The following G3BP2 variants were observed in gnomAD, a reference collection of about 807,000 sequenced individuals.
G3BP2 encodes the protein ras GTPase-activating protein-binding protein 2.
In G3BP2, 11 loss-of-function variants were observed where a neutral mutation model predicts 56.7. The observed-to-expected ratio is 0.19, with a 90% CI of 0.12 to 0.32. The LOEUF (loss-of-function observed/expected upper bound fraction) is 0.32, where lower values mean the gene tolerates loss of function less well. Among genes scored for constraint, G3BP2 ranks in the 10% least tolerant of loss-of-function variants. The pLI, the probability that G3BP2 is intolerant of heterozygous loss-of-function variation, is 1.00. For missense variants in G3BP2, 340 were observed against 610.9 expected (o/e 0.56, Z 4.67); for synonymous variants, 165 against 191.6 (o/e 0.86, Z 1.15).
intron 8 of G3BP2, among the ~76,000 whole-genome samples, chr4:75,650,853 A>G (rs1347085831): frequency 6.6e-6 from 1 of 152,190 alleles, no homozygotes; most frequent in East Asian, 1.9e-4. Flanking sequence ...CAGGCACGCC[A>G]GTGCCCAAGG....
At chr4:75,722,215 C>G (rs1720204305) in exon 2 of G3BP2, among the ~76,000 whole-genome samples, 1 of 152,140 alleles carries the variant, frequency 6.6e-6, no homozygotes, top group Non-Finnish European at 1.5e-5. Flanking sequence ...CCTTTGCACC[C>G]AACTGTCCAT....
chr4:75,704,943 A>C (rs1227064987), intron 3 of G3BP2, among the ~76,000 whole-genome samples: 2 of 152,164 alleles, frequency 1.3e-5, no homozygotes, highest in African/African-American at 2.4e-5. Context: ...TTAATTTTTT[A>C]TCTCTAGGCC....
intron 3 of G3BP2, among the ~76,000 whole-genome samples, chr4:75,709,556 G>A (rs1035973920): frequency 6.6e-6 from 1 of 150,872 alleles, no homozygotes. Flanking sequence ...AGGCTGTAGT[G>A]AGCCATGATC....
At chr4:75,691,491 G>A (rs1718855878) in intron 3 of G3BP2, among the ~76,000 whole-genome samples, 1 of 152,180 alleles carries the variant, frequency 6.6e-6, no homozygotes, top group African/African-American at 2.4e-5. Flanking sequence ...TTACAGGCGT[G>A]AGCCACTGTG....
intron 3 of G3BP2, among the ~76,000 whole-genome samples, chr4:75,716,930 C>A (rs1719951991): frequency 6.6e-6 from 1 of 152,210 alleles, no homozygotes; most frequent in African/African-American, 2.4e-5. Context: ...TTTGTACTTA[C>A]AATCTTCTCA....
chr4:75,667,167 T>C (rs1393406844), intron 1 of G3BP2, among the ~76,000 whole-genome samples: 1 of 151,850 alleles, frequency 6.6e-6, no homozygotes, highest in Non-Finnish European at 1.5e-5. Flanking sequence ...TGTGCAAGCG[T>C]AGCTCCAGCT....
At chr4:75,698,651 T>G (rs1366518835) in intron 3 of G3BP2, among the ~76,000 whole-genome samples, 1 of 152,166 alleles carries the variant, frequency 6.6e-6, no homozygotes, top group African/African-American at 2.4e-5. Context: ...TGCTGTTTGC[T>G]GGAGGGAGGG....
At chr4:75,722,319 A>G (rs1720207271) in intron 1 of G3BP2, among the ~76,000 whole-genome samples, 1 of 152,232 alleles carries the variant, frequency 6.6e-6, no homozygotes, top group African/African-American at 2.4e-5. Context: ...ACGAAAGTAT[A>G]GTAACCTACT....
upstream of G3BP2, among the ~76,000 whole-genome samples, chr4:75,674,593 G>C (rs1040493955): frequency 2.0e-5 from 3 of 150,588 alleles, no homozygotes; most frequent in African/African-American, 7.3e-5. Context: ...TTACATGCCG[G>C]CTGTCCTTTA....
chr4:75,699,644 C>T (rs1341261094), intron 3 of G3BP2, among the ~76,000 whole-genome samples: 1 of 152,170 alleles, frequency 6.6e-6, no homozygotes, highest in Non-Finnish European at 1.5e-5. Context: ...CATTTATGAA[C>T]CATAACGTAT....
intron 9 of G3BP2, 80 bp from the exon 10 acceptor site, chr4:75,647,237 T>A: frequency 1.1e-6 from 1 of 883,326 alleles, no homozygotes; most frequent in Non-Finnish European, 1.7e-6. Context: ...AAAAATCACT[T>A]AATATTGATA....
Position 75,710,394 on chromosome 4 carries a change from C to A in G3BP2, c.-25+10483G>T, listed in dbSNP as rs1440315703. On this transcript the variant is annotated intron_variant, in intron 3 of 3. Transcript: ENST00000499709. ...GGGAAACACTTCCTCTATAAGTGGG[C>A]CTCTGTAATCTATTGGTTACTTTTC... Among the ~76,000 whole-genome samples, 4 of 152,126 alleles carry A rather than the reference C, an allele frequency of 2.6e-5. 1 individual carries two copies. The highest frequency in any genetic ancestry group is 2.6e-4 in the Admixed American group (4 of 15,246).
chr4:75,680,811 A>G (rs2149065923), intron 3 of G3BP2, among the ~76,000 whole-genome samples: 1 of 152,014 alleles, frequency 6.6e-6, no homozygotes, highest in South Asian at 2.1e-4. Flanking sequence ...CTAAAAATAC[A>G]AAAATTAGCT....
At chr4:75,659,090 T>C (rs766862824) in intron 2 of G3BP2, among the ~76,000 whole-genome samples, 166 bp from the exon 3 acceptor site, 3 of 152,234 alleles carry the variant, frequency 2.0e-5, no homozygotes, top group Non-Finnish European at 4.4e-5. Context: ...TCCTTGGTTA[T>C]AAAACAGGAA....
intron 3 of G3BP2, among the ~76,000 whole-genome samples, chr4:75,703,666 C>T (rs1719431541): frequency 6.6e-6 from 1 of 152,122 alleles, no homozygotes; most frequent in Non-Finnish European, 1.5e-5. Flanking sequence ...AAAAGCAATG[C>T]TAGAGGCATA....
At chr4:75,702,349 G>A (rs957021852) in intron 3 of G3BP2, among the ~76,000 whole-genome samples, 6 of 151,984 alleles carry the variant, frequency 3.9e-5, no homozygotes, top group East Asian at 3.9e-4. Context: ...TTGCCATGTT[G>A]CCTAGGCTGG....
At chr4:75,721,771 G>C (rs1720188111) in intron 2 of G3BP2, among the ~76,000 whole-genome samples, 1 of 151,874 alleles carries the variant, frequency 6.6e-6, no homozygotes, top group Non-Finnish European at 1.5e-5. Context: ...AAGTTAAGTG[G>C]GCCACTGAAA....
At position 75,645,705 on chromosome 4, in the gene G3BP2, T is replaced by G. The variant is rs773397498; in HGVS notation, c.1177-3A>C. On this transcript the variant is annotated splice_region_variant and splice_polypyrimidine_tract_variant and intron_variant, in intron 11 of 11. Transcript: ENST00000359707. ...ACTTCCCCTCGAAACATAATCGGCT[T>G]TATAAAAGAGAAGAAAAATATTTAC... The G allele has an allele frequency of 3.1e-5, 50 of 1,612,328 alleles. No individual in the cohort carries two copies. Among genetic ancestry groups the G allele is most frequent in the Non-Finnish European group, 4.2e-5 (49 of 1,179,146 alleles).
chr4:75,674,650 C>T (rs1421774363), upstream of G3BP2, among the ~76,000 whole-genome samples: 3 of 146,250 alleles, frequency 2.1e-5, no homozygotes, highest in African/African-American at 7.6e-5. Context: ...ATACAGCCTT[C>T]TGAGCCTCAC....
Sources: gnomAD v4.1 joint callset for allele counts (sites outside exome capture counted in the v4.1 genomes callset) on GRCh38, gnomAD v4.1.1 for gene constraint, MANE v1.5 for transcripts, NCBI Gene and HGNC (gene_info 2026-07-23, HGNC 2026-07-21) for gene names.